DYNC2H1: variants seen among roughly 807,000 people sequenced by gnomAD.
DYNC2H1 encodes the protein dynein cytoplasmic 2 heavy chain 1.
A neutral mutation model predicts 570.0 loss-of-function variants in DYNC2H1; 410 were observed. The observed-to-expected ratio is 0.72, with a 90% CI of 0.66 to 0.78. The LOEUF is 0.78. Among genes scored for constraint, DYNC2H1 ranks in the 30% least tolerant of loss-of-function variants. The pLI, the probability that DYNC2H1 is intolerant of heterozygous loss-of-function variation, is 0.00. For synonymous variants in DYNC2H1, 1,688 were observed against 1,677.6 expected (o/e 1.01, Z -0.15); for missense variants, 4,865 against 5,046.4 (o/e 0.96, Z 1.09).
rs1315923971 is a variant in DYNC2H1 at position 103,395,809 on chromosome 11, C to G, written c.12157-3854C>G. 1.3e-5 allele frequency among the ~76,000 whole-genome samples: 2 copies of G among 152,100 alleles called. No individual in the cohort carries two copies. The highest frequency in any genetic ancestry group is 4.8e-5 in the African/African-American group (2 of 41,408). ...GAGTTGAATCAACTCTTCCAGAACT[C>G]TGTGGACTAAGACTTGGGAAAGGCT... On this transcript the variant is annotated intron_variant, in intron 83 of 88. Coordinates refer to ENST00000375735, the MANE Select transcript of DYNC2H1 (RefSeq NM_001377.3). This position sits in a 1 kb window ranked among gnomAD's most constrained non-coding sequence, Gnocchi z 4.3.
intron 88 of DYNC2H1, among the ~76,000 whole-genome samples, chr11:103,476,767 CAG>C (rs199637970): frequency 1.3e-5 from 2 of 151,882 alleles, no homozygotes; most frequent in African/African-American, 4.8e-5. Flanking sequence ...GGGAGAGAGA[CAG>C]AGAGAGGAGC....
At chr11:103,198,193 G>T (rs1423471120) in intron 48 of DYNC2H1, 130 bp downstream of exon 48, 1 of 1,073,142 alleles carries the variant, frequency 9.3e-7, no homozygotes, top group Non-Finnish European at 1.3e-6. Context: ...TTATCTTTTG[G>T]AATTTAGTCC....
chr11:103,307,702 C>T lies in DYNC2H1; in HGVS notation c.11383-19C>T. On this transcript the variant is annotated intron_variant, in intron 77 of 88. Transcript: ENST00000375735. ...CATATATATTTAAGTAAATTTTTGT[C>T]ATTGGTTTTGTAAACAAGGAATTGA... is the stretch of plus-strand genomic sequence containing the variant. The T allele has an allele frequency of 1.4e-6, 2 of 1,409,788 alleles. No individual in the cohort carries two copies. Among genetic ancestry groups the T allele is most frequent in the African/African-American group, 1.4e-5 (1 of 69,648 alleles). 87.3% of individuals were successfully genotyped at this position (1,409,788 alleles called of 1,614,324 possible).
Position 103,166,022 on chromosome 11 carries a change from C to G in DYNC2H1, c.4736C>G (p.Thr1579Arg). ...NKLEQYTNID[T>R]SSEDPGNTES... ...TTAGAGCAATATACTAACATTGATA[C>G]AAGTTCTGAGGATCCAGGGAATACT... Residue 1579 changes from threonine to arginine, a missense_variant, in exon 31 of 89, where the codon ACA becomes AGA. Around this residue, in one of 5 missense-constraint regions of DYNC2H1, gnomAD observed 1,936 missense variants for 1,962.1 expected, o/e 0.99. Coordinates refer to ENST00000375735, the MANE Select transcript of DYNC2H1 (RefSeq NM_001377.3). 1 of 1,531,620 alleles carries G rather than the reference C, an allele frequency of 6.5e-7. No individual in the cohort carries two copies. Among genetic ancestry groups the G allele is most frequent in the Non-Finnish European group, 8.8e-7 (1 of 1,137,766 alleles). The allele number at this position is 1,531,620 out of a possible 1,614,324, so 94.9% of individuals were successfully genotyped here.
chr11:103,390,894 G>C (rs1942117966), intron 83 of DYNC2H1, among the ~76,000 whole-genome samples: 1 of 152,152 alleles, frequency 6.6e-6, no homozygotes, highest in Non-Finnish European at 1.5e-5. Flanking sequence ...TTCCCTTTGT[G>C]GGTAACCCGA....
chr11:103,122,722 TA>T, intron 10 of DYNC2H1, 102 bp from the exon 11 acceptor site: 1 of 984,006 alleles, frequency 1.0e-6, no homozygotes, highest in Non-Finnish European at 1.5e-6. Flanking sequence ...AGATGAAAGG[TA>T]AAATAATTTC....
chr11:103,315,685 T>C (rs1179059101), intron 79 of DYNC2H1, among the ~76,000 whole-genome samples: 1 of 152,052 alleles, frequency 6.6e-6, no homozygotes, highest in Non-Finnish European at 1.5e-5. Flanking sequence ...CTTTCATATG[T>C]GTGAAACATA....
Position 103,209,882 on chromosome 11 carries a change from G to T in DYNC2H1, c.8461G>T (p.Glu2821Ter). The change falls in exon 53 of 89, where the codon GAA becomes TAA. Residue 2821 changes from glutamate (E) to a stop codon, truncating the protein, a stop_gained. Coordinates refer to ENST00000375735, the MANE Select transcript of DYNC2H1 (RefSeq NM_001377.3). LOFTEE classifies it high-confidence loss of function. This position sits in a 1 kb window ranked among gnomAD's most constrained non-coding sequence, Gnocchi z 4.2. ...WSNSSMKKIP[E>*]MLFSETGGGE... ...TATTCTTTTTATGTTTTAGATACCTGAAATGTTATTCAGTGAAACAGGTGG... is the reference window on the plus strand; with the variant it reads ...TATTCTTTTTATGTTTTAGATACCTTAAATGTTATTCAGTGAAACAGGTGG... 1 of 1,482,858 alleles carries T rather than the reference G, an allele frequency of 6.7e-7. No homozygotes were observed. 91.9% of individuals were successfully genotyped at this position (1,482,858 alleles called of 1,614,324 possible).
At chr11:103,242,539 C>T (rs1407596965) in intron 63 of DYNC2H1, among the ~76,000 whole-genome samples, 1 of 152,090 alleles carries the variant, frequency 6.6e-6, no homozygotes, top group Non-Finnish European at 1.5e-5. Flanking sequence ...CACACAATTG[C>T]ATTACATTTT....
chr11:103,231,724 A>C (rs576370626), intron 60 of DYNC2H1, among the ~76,000 whole-genome samples: 131 of 152,154 alleles, frequency 8.6e-4, no homozygotes, highest in Non-Finnish European at 1.4e-3. Context: ...ATAATATCTG[A>C]TTTAATACAG....
intron 70 of DYNC2H1, among the ~76,000 whole-genome samples, chr11:103,276,349 T>C (rs955213273): frequency 2.0e-5 from 3 of 152,168 alleles, no homozygotes; most frequent in Non-Finnish European, 4.4e-5. Flanking sequence ...TGACTTAATC[T>C]CATATTTATC....
chr11:103,309,254 A>C (rs1198555755), intron 78 of DYNC2H1, among the ~76,000 whole-genome samples: 2 of 134,452 alleles, frequency 1.5e-5, no homozygotes, highest in African/African-American at 5.6e-5. Context: ...AGCTCACTGC[A>C]GTCTCGACCT....
intron 65 of DYNC2H1, among the ~76,000 whole-genome samples, chr11:103,248,067 A>G (rs1310946398): frequency 6.6e-6 from 1 of 152,016 alleles, no homozygotes; most frequent in Non-Finnish European, 1.5e-5. Context: ...TTTATAGGCC[A>G]AGAGGGTATT....
intron 54 of DYNC2H1, 145 bp downstream of exon 54, chr11:103,212,088 T>C (rs1035747179): frequency 9.6e-7 from 1 of 1,040,066 alleles, no homozygotes; most frequent in Non-Finnish European, 1.2e-6. Context: ...CTCACTTTCC[T>C]ACCTATATTG....
intron 47 of DYNC2H1, among the ~76,000 whole-genome samples, chr11:103,195,986 A>G (rs11827807): frequency 0.018 from 2,814 of 152,326 alleles, 84 homozygotes; most frequent in African/African-American, 0.063. Context: ...AACAATGTGC[A>G]AAGAAACAGA....
intron 59 of DYNC2H1, among the ~76,000 whole-genome samples, chr11:103,226,257 G>C (rs34007956): frequency 0.11 from 16,415 of 152,090 alleles, 1,033 homozygotes; most frequent in East Asian, 0.22. Context: ...ATGTTGAATA[G>C]AAGTGGTGAA....
chr11:103,215,964 C>T, intron 55 of DYNC2H1, 106 bp downstream of exon 55: 5 of 1,315,946 alleles, frequency 3.8e-6, no homozygotes, highest in Non-Finnish European at 5.1e-6. Flanking sequence ...AAAAATATTG[C>T]TTATTCATAC....
chr11:103,158,856 A>T (rs1377286507), intron 27 of DYNC2H1, 47 bp downstream of exon 27: 1 of 1,491,972 alleles, frequency 6.7e-7, no homozygotes, highest in Admixed American at 2.2e-5. Flanking sequence ...AAAGTACTTG[A>T]TATCTTAATT....
chr11:103,410,313 TGTC>T (rs1943029844), intron 84 of DYNC2H1, among the ~76,000 whole-genome samples: 1 of 152,128 alleles, frequency 6.6e-6, no homozygotes, highest in African/African-American at 2.4e-5. Flanking sequence ...TCATAAAGGT[TGTC>T]GTGAGATTTT....
Sources: gnomAD v4.1 joint callset for allele counts (sites outside exome capture counted in the v4.1 genomes callset) on GRCh38, gnomAD v4.1.1 for gene constraint, gnomAD v4.1.1 regional missense constraint, Gnocchi (gnomAD v3.1) non-coding constraint, MANE v1.5 for transcripts, NCBI Gene and HGNC (gene_info 2026-07-23, HGNC 2026-07-21) for gene names.